The following TBC1D4 variants were observed in gnomAD, a reference collection of about 807,000 sequenced individuals.
The protein encoded by TBC1D4 is TBC1 domain family member 4.
Under a neutral mutation model 142.5 loss-of-function variants are expected in TBC1D4, and 121 were observed. The ratio of observed to expected loss-of-function variants is 0.85; its 90% confidence interval spans 0.73 to 0.99. The LOEUF is 0.99. Among genes scored for constraint, TBC1D4 ranks in the 50% least tolerant of loss-of-function variants. The pLI is 0.00. For synonymous variants in TBC1D4, 630 were observed against 628.2 expected, an observed-to-expected ratio of 1.00 and a Z score of -0.04; for missense variants, 1,475 against 1,606.6, an observed-to-expected ratio of 0.92 and a Z score of 1.40.
intron 8 of TBC1D4, among the ~76,000 whole-genome samples, chr13:75,332,157 A>G (rs997527167): frequency 6.6e-6 from 1 of 152,244 alleles, no homozygotes; most frequent in African/African-American, 2.4e-5. Context: ...AAGGTACTAA[A>G]TGGAGATAAA....
intron 1 of TBC1D4, among the ~76,000 whole-genome samples, chr13:75,412,344 G>A (rs1885711570): frequency 6.6e-6 from 1 of 152,080 alleles, no homozygotes; most frequent in Non-Finnish European, 1.5e-5. Context: ...GTGCAGTGGT[G>A]CAATCATGGC....
At chr13:75,477,298 T>C (rs918134663) in intron 1 of TBC1D4, among the ~76,000 whole-genome samples, 1 of 152,160 alleles carries the variant, frequency 6.6e-6, no homozygotes, top group Non-Finnish European at 1.5e-5. Context: ...ACAAAAAAAC[T>C]GGTTACGTGA....
intron 1 of TBC1D4, among the ~76,000 whole-genome samples, chr13:75,387,977 G>C (rs1461565048): frequency 6.6e-6 from 1 of 152,122 alleles, no homozygotes; most frequent in Non-Finnish European, 1.5e-5. Context: ...AATCTCTAGG[G>C]GAGAATTCAT....
Position 75,298,623 on chromosome 13 carries a change from C to T in TBC1D4, c.3156+707G>A, listed in dbSNP as rs367545793. On this transcript the variant is annotated intron_variant, in intron 17 of 20. Coordinates refer to ENST00000377636, the MANE Select transcript of TBC1D4 (RefSeq NM_014832.5). ...AAAAAATTAGCCAGGCATGGTGGCA[C>T]CTGCCTGTAATCCCAGCTACTGGGG... 5.9e-5 allele frequency among the ~76,000 whole-genome samples: 9 copies of T among 152,256 alleles called. No individual in the cohort carries two copies. In the East Asian group the frequency reaches 1.5e-3, roughly 26 times the overall value.
chr13:75,473,099 A>G (rs568304411), intron 1 of TBC1D4, among the ~76,000 whole-genome samples: 1 of 152,252 alleles, frequency 6.6e-6, no homozygotes, highest in Admixed American at 6.5e-5. Flanking sequence ...GGTTCAAGCA[A>G]TTCTCATGCC....
rs1443257335 is a variant in TBC1D4, at chr13:75,294,877, A to T, written c.3293T>A (p.Leu1098Ter). 1 of 1,613,914 alleles carries T rather than the reference A, an allele frequency of 6.2e-7. No individual in the cohort carries two copies. Among genetic ancestry groups the T allele is most frequent in the Non-Finnish European group, 8.5e-7 (1 of 1,179,852 alleles). Residue 1098 changes from leucine to a stop codon, truncating the protein, a stop_gained, in exon 18 of 21, where the codon TTA (leucine) becomes TAA (stop). Transcript: ENST00000377636. LOFTEE classifies it high-confidence loss of function. The part of the protein sequence containing the change: ...FLTLFASQFS[L>*]GFVARVFDII... ...ACCAAAAACTCTGGCTACAAATCCT[A>T]ATGAAAACTGAGAGGCAAACAATGT... is the stretch of plus-strand genomic sequence containing the variant.
intron 1 of TBC1D4, among the ~76,000 whole-genome samples, chr13:75,412,942 CA>C: frequency 6.6e-6 from 1 of 152,292 alleles, no homozygotes; most frequent in Middle Eastern, 3.4e-3. Context: ...TAAAACCTGA[CA>C]GACACTGTGC....
At chr13:75,296,245 G>GA (rs962517287) in intron 17 of TBC1D4, among the ~76,000 whole-genome samples, 8 of 148,168 alleles carry the variant, frequency 5.4e-5, no homozygotes, top group Admixed American at 2.0e-4. Context: ...AAATCATGTT[G>GA]AAAAAAAACA....
chr13:75,460,635 G>A (rs1415514345), intron 1 of TBC1D4, among the ~76,000 whole-genome samples: 2 of 152,090 alleles, frequency 1.3e-5, no homozygotes, highest in African/African-American at 2.4e-5. Context: ...AAAGAAGAGA[G>A]AGAGGCCAGA....
intron 19 of TBC1D4, among the ~76,000 whole-genome samples, chr13:75,289,369 A>G (rs1875034214): frequency 6.6e-6 from 1 of 152,172 alleles, no homozygotes; most frequent in Admixed American, 6.6e-5. Context: ...ATTTCTATGC[A>G]ATTGAAACAT....
At chr13:75,464,139 A>G (rs1888077319) in intron 1 of TBC1D4, among the ~76,000 whole-genome samples, 1 of 152,212 alleles carries the variant, frequency 6.6e-6, no homozygotes. Flanking sequence ...CTAAATCCAC[A>G]TGCAACAACC....
chr13:75,399,032 A>C (rs1427463965), intron 1 of TBC1D4, among the ~76,000 whole-genome samples: 2 of 152,192 alleles, frequency 1.3e-5, no homozygotes, highest in African/African-American at 4.8e-5. Flanking sequence ...ATTTGGGGGT[A>C]CTACACTAGC....
chr13:75,311,235 C>G (rs1163291607), intron 13 of TBC1D4, among the ~76,000 whole-genome samples: 1 of 152,150 alleles, frequency 6.6e-6, no homozygotes, highest in Admixed American at 6.5e-5. Flanking sequence ...CTGAATTTCT[C>G]ATGATTCTCT....
chr13:75,362,668 C>T lies in TBC1D4; in HGVS notation c.499-61G>A. On this transcript the variant is annotated intron_variant, in intron 1 of 20. Coordinates refer to ENST00000377636, the MANE Select transcript of TBC1D4 (RefSeq NM_014832.5). The surrounding 1 kb of genome is among the most constrained non-coding windows in gnomAD (Gnocchi z 4.2). The stretch of plus-strand genomic sequence containing the variant: ...AAGTTTTGAGACAATTTACATTTAC[C>T]TAGCCCAATTATTACCACATGGAAT... 4 of 1,563,584 alleles carry T rather than the reference C, an allele frequency of 2.6e-6. No individual in the cohort carries two copies. Among genetic ancestry groups the T allele is most frequent in the African/African-American group, 1.4e-5 (1 of 73,906 alleles).
intron 1 of TBC1D4, among the ~76,000 whole-genome samples, chr13:75,393,234 G>C (rs922862209): frequency 3.8e-4 from 58 of 151,694 alleles, no homozygotes; most frequent in African/African-American, 1.4e-3. Context: ...TTAAACAAGA[G>C]GTAGATAGTC....
intron 1 of TBC1D4, among the ~76,000 whole-genome samples, chr13:75,372,893 G>C (rs1434511713): frequency 1.3e-5 from 2 of 152,210 alleles, no homozygotes; most frequent in African/African-American, 4.8e-5. Flanking sequence ...TAATTTGCTA[G>C]AGAGTTTAAA....
In TBC1D4 at chr13:75,481,850, T is replaced by C; in HGVS notation, c.-83A>G. The stretch of plus-strand genomic sequence containing the variant: ...CCCGCGCAGAAGGCGCCGCCGAAAC[T>C]GTGCCAACTGCCGCACCGGGCTCCC... On this transcript the variant is annotated 5_prime_UTR_variant, in exon 1 of 21. Transcript: ENST00000377636. 7.2e-7 allele frequency: 1 copy of C among 1,393,680 alleles called. No homozygotes were observed. The highest frequency in any genetic ancestry group is 9.2e-7 in the Non-Finnish European group (1 of 1,083,066). 86.3% of individuals were successfully genotyped at this position (1,393,680 alleles called of 1,614,324 possible).
chr13:75,375,323 C>G (rs1317782588), intron 1 of TBC1D4, among the ~76,000 whole-genome samples: 1 of 152,186 alleles, frequency 6.6e-6, no homozygotes, highest in East Asian at 1.9e-4. Context: ...GGGGGCCACT[C>G]CCAGGGTCCT....
intron 8 of TBC1D4, among the ~76,000 whole-genome samples, chr13:75,330,029 G>A (rs1003736856): frequency 4.6e-5 from 7 of 152,290 alleles, no homozygotes; most frequent in East Asian, 3.9e-4. Context: ...GGAAACTCAC[G>A]CTCTTTAGCT....
Sources: allele counts gnomAD v4.1 joint callset (sites outside exome capture counted in the v4.1 genomes callset), GRCh38; gene constraint gnomAD v4.1.1; non-coding constraint Gnocchi (gnomAD v3.1); transcripts MANE v1.5; gene names NCBI Gene and HGNC (gene_info 2026-07-23, HGNC 2026-07-21).